TOX: variants seen among roughly 807,000 people sequenced by gnomAD.
TOX encodes thymocyte selection-associated high mobility group box protein TOX.
A neutral mutation model predicts 53.7 loss-of-function variants in TOX; 11 were observed. The ratio of observed to expected loss-of-function variants is 0.20; its 90% CI spans 0.13 to 0.34. The LOEUF is 0.34. TOX is among the 10% of genes least tolerant of loss of function. TOX has a pLI of 1.00. For synonymous variants in TOX, 225 were observed against 245.3 expected (o/e 0.92, Z 0.77); for missense variants, 570 against 664.6 (o/e 0.86, Z 1.56).
intron 1 of TOX, among the ~76,000 whole-genome samples, chr8:59,024,539 G>C (rs1814200750): frequency 6.6e-6 from 1 of 152,190 alleles, no homozygotes; most frequent in Non-Finnish European, 1.5e-5. Flanking sequence ...ATACCTGTCA[G>C]GCTGTCACGT....
intron 3 of TOX, among the ~76,000 whole-genome samples, chr8:58,879,361 T>A (rs1292943196): frequency 6.6e-6 from 1 of 152,124 alleles, no homozygotes; most frequent in Non-Finnish European, 1.5e-5. Flanking sequence ...TACACTCAAG[T>A]CTTGCAGAAT....
Position 58,844,921 on chromosome 8 carries a change from C to T in TOX, c.693+6603G>A, listed in dbSNP as rs565550666. 2.6e-5 allele frequency among the ~76,000 whole-genome samples: 4 copies of T among 152,176 alleles called. No individual in the cohort carries two copies. In the East Asian group the frequency reaches 7.7e-4, roughly 29 times the overall value. On this transcript the variant is annotated intron_variant, in intron 4 of 8. Coordinates refer to ENST00000361421, the MANE Select transcript of TOX (RefSeq NM_014729.3). Reference sequence around the variant, plus strand: ...TCAAATCCCTAGAGGTGCCTGAAGGCTTCTGGTAATTCACCCCTGTCATGT... The same window carrying T: ...TCAAATCCCTAGAGGTGCCTGAAGGTTTCTGGTAATTCACCCCTGTCATGT...
intron 4 of TOX, among the ~76,000 whole-genome samples, chr8:58,845,964 G>A (rs1810712936): frequency 6.6e-6 from 1 of 152,034 alleles, no homozygotes; most frequent in Admixed American, 6.6e-5. Flanking sequence ...GGCTTTTACA[G>A]GCTTACAAAG....
At chr8:58,915,724 G>A (rs905637681) in intron 3 of TOX, among the ~76,000 whole-genome samples, 3 of 151,992 alleles carry the variant, frequency 2.0e-5, no homozygotes, top group Non-Finnish European at 2.9e-5. Flanking sequence ...CGAGCTGAGA[G>A]AAGAAGGCTT....
chr8:58,897,100 T>C (rs1266631501), intron 3 of TOX, among the ~76,000 whole-genome samples: 2 of 152,216 alleles, frequency 1.3e-5, no homozygotes, highest in East Asian at 3.8e-4. Context: ...CATTGACGGT[T>C]TGAAATAAAA....
rs180699509 is a variant in TOX, at chr8:58,918,913, C to T, written c.411+20389G>A. Among the ~76,000 whole-genome samples, 742 of 151,740 alleles carry T rather than the reference C, an allele frequency of 4.9e-3. 8 individuals are homozygous for T. The highest frequency in any genetic ancestry group is 0.017 in the African/African-American group (707 of 41,086). On this transcript the variant is annotated intron_variant, in intron 3 of 8. Coordinates refer to ENST00000361421, the MANE Select transcript of TOX (RefSeq NM_014729.3). The stretch of plus-strand genomic sequence containing the variant: ...ACAAGCATTCTTATACACCAACAAC[C>T]GGCAAACAGAGAGCCAAATCATAAG...
At chr8:59,094,873 A>G (rs1804688478) in intron 1 of TOX, among the ~76,000 whole-genome samples, 1 of 152,322 alleles carries the variant, frequency 6.6e-6, no homozygotes, top group Non-Finnish European at 1.5e-5. Context: ...CCTGGTTTCT[A>G]AAGAGAGGAC....
intron 3 of TOX, among the ~76,000 whole-genome samples, chr8:58,933,552 T>G (rs6997859): frequency 0.37 from 54,709 of 149,756 alleles, 10,404 homozygotes; most frequent in East Asian, 0.62. Flanking sequence ...TTCTTATAAC[T>G]GATTAAACTT....
chr8:58,949,639 A>G (rs1020400383), intron 2 of TOX, among the ~76,000 whole-genome samples: 2 of 152,096 alleles, frequency 1.3e-5, no homozygotes, highest in African/African-American at 4.8e-5. Flanking sequence ...TTAACAATTG[A>G]TTGCAATTTA....
At position 59,117,978 on chromosome 8, in the gene TOX, G is replaced by A. The variant is rs948576940; in HGVS notation, c.102+908C>T. On this transcript the variant is annotated intron_variant, in intron 1 of 8. Transcript: ENST00000361421. The surrounding 1 kb of genome is among the most constrained non-coding windows in gnomAD (Gnocchi z 4.6). ...GGGATGAGAGAGTTCGAGAAGCCGG[G>A]AGAGTAACCCCCTCCCTCGTACCCC... Among the ~76,000 whole-genome samples, 2 of 152,214 alleles carry A rather than the reference G, an allele frequency of 1.3e-5. No individual in the cohort carries two copies. The highest frequency in any genetic ancestry group is 2.9e-5 in the Non-Finnish European group (2 of 68,026).
chr8:58,921,338 C>T (rs1812071822), intron 3 of TOX, among the ~76,000 whole-genome samples: 3 of 152,140 alleles, frequency 2.0e-5, no homozygotes, highest in Non-Finnish European at 2.9e-5. Context: ...AATAAATATC[C>T]AGTTCATATT....
chr8:58,923,847 A>G (rs1027105622), intron 3 of TOX, among the ~76,000 whole-genome samples: 1 of 151,748 alleles, frequency 6.6e-6, no homozygotes, highest in Non-Finnish European at 1.5e-5. Context: ...TACCTGCTTG[A>G]CTCTCACAGC....
chr8:58,873,989 G>GTTTT (rs1563376355), intron 3 of TOX, among the ~76,000 whole-genome samples: 1 of 99,544 alleles, frequency 1.0e-5, no homozygotes, highest in Non-Finnish European at 1.8e-5. Flanking sequence ...TTTTTTTTGG[G>GTTTT]AAACCATGAT....
chr8:58,827,857 T>A (rs772884917), intron 5 of TOX, among the ~76,000 whole-genome samples: 1 of 152,232 alleles, frequency 6.6e-6, no homozygotes, highest in Non-Finnish European at 1.5e-5. Context: ...CTTTAGAGTA[T>A]ATTTTTTGGC....
intron 1 of TOX, among the ~76,000 whole-genome samples, chr8:58,995,219 A>G (rs1259598283): frequency 6.6e-6 from 1 of 152,226 alleles, no homozygotes. Flanking sequence ...AGCATTTATT[A>G]CAAATCCCAA....
At chr8:58,898,013 C>T (rs6988143) in intron 3 of TOX, among the ~76,000 whole-genome samples, 83,926 of 152,032 alleles carry the variant, frequency 0.55, 23,658 homozygotes, top group African/African-American at 0.66. Context: ...AATATCATAA[C>T]ATTTTAAGAA....
At chr8:59,093,267 A>G (rs1048510980) in intron 1 of TOX, among the ~76,000 whole-genome samples, 3 of 152,194 alleles carry the variant, frequency 2.0e-5, no homozygotes, top group Non-Finnish European at 2.9e-5. Context: ...TCATCTCTCC[A>G]TAACAGCATC....
intron 1 of TOX, among the ~76,000 whole-genome samples, chr8:58,982,116 T>G (rs1279338833): frequency 6.6e-6 from 1 of 152,194 alleles, no homozygotes; most frequent in Non-Finnish European, 1.5e-5. Context: ...AACCACTCAC[T>G]TGCCCCTTGA....
rs35347981 is a variant in TOX, at chr8:58,838,699, C to CTTTTTTTTTTTTTTTT, written c.694-404_694-389dup. Among the ~76,000 whole-genome samples the CTTTTTTTTTTTTTTTT allele has an allele frequency of 4.2e-4, 37 of 88,876 alleles. 4 individuals carry two copies. Among genetic ancestry groups the CTTTTTTTTTTTTTTTT allele is most frequent in the African/African-American group, 1.6e-3 (26 of 16,728 alleles). 58.3% of individuals were successfully genotyped at this position (88,876 alleles called of 152,430 possible). On this transcript the variant is annotated intron_variant, in intron 4 of 8. Coordinates refer to ENST00000361421, the MANE Select transcript of TOX (RefSeq NM_014729.3). ...TTTCTTCTAAGGAAGTTATCCTTGT[C>CTTTTTTTTTTTTTTTT]TTTTTTTTTTTTTTTTTTTTTGAGA...
Sources: allele counts gnomAD v4.1 joint callset (sites outside exome capture counted in the v4.1 genomes callset), GRCh38; gene constraint gnomAD v4.1.1; non-coding constraint Gnocchi (gnomAD v3.1); transcripts MANE v1.5; gene names NCBI Gene and HGNC (gene_info 2026-07-23, HGNC 2026-07-21).